Variants in SLCO4A1 observed in about 807,000 individuals in gnomAD.
The protein encoded by SLCO4A1 is colon organic anion transporter.
Under a neutral mutation model 64.6 loss-of-function variants are expected in SLCO4A1, and 51 were observed. The observed-to-expected ratio is 0.79, with a 90% CI of 0.63 to 1.00. The LOEUF (loss-of-function observed/expected upper bound fraction) is 1.00. Among genes scored for constraint, SLCO4A1 ranks in the 50% least tolerant of loss-of-function variants. The pLI, the probability that SLCO4A1 is intolerant of heterozygous loss-of-function variation, is 0.00. For synonymous variants in SLCO4A1, 471 were observed against 444.9 expected, an observed-to-expected ratio of 1.06 and a Z score of -0.74; for missense variants, 919 against 980.5, an observed-to-expected ratio of 0.94 and a Z score of 0.84.
At chr20:62,643,281 T>A in intron 1 of SLCO4A1, 2 of 321,408 alleles carry the variant, frequency 6.2e-6, no homozygotes, top group Non-Finnish European at 1.2e-5. Context: ...TGGGCTCCCC[T>A]GACCAGGGAG....
chr20:62,664,773 A>G (rs988716877), intron 5 of SLCO4A1, among the ~76,000 whole-genome samples, 161 bp from the exon 6 acceptor site: 3 of 152,078 alleles, frequency 2.0e-5, no homozygotes, highest in Non-Finnish European at 2.9e-5. Flanking sequence ...CAGGAACAGC[A>G]GGTTCCTCCC....
chr20:62,658,980 G>A (rs1984275586), intron 3 of SLCO4A1, among the ~76,000 whole-genome samples: 1 of 152,356 alleles, frequency 6.6e-6, no homozygotes, highest in Admixed American at 6.5e-5. Context: ...CAGGAGGCAG[G>A]GCAGGCAGGC....
chr20:62,660,566 T>C (rs769633176), intron 4 of SLCO4A1, 33 bp downstream of exon 4: 5 of 1,600,498 alleles, frequency 3.1e-6, no homozygotes, highest in South Asian at 1.1e-5. Flanking sequence ...AGCCTTCACA[T>C]TGGGAGACTG....
Position 62,661,040 on chromosome 20 carries a change from C to CCCCCCCCCCCCCCCCCACA in SLCO4A1, c.1010-23_1010-22insCCCCCCCCCCCCCCCACAC. 7.9e-6 allele frequency: 11 copies of CCCCCCCCCCCCCCCCCACA among 1,395,914 alleles called. No individual in the cohort carries two copies. Among genetic ancestry groups the CCCCCCCCCCCCCCCCCACA allele is most frequent in the Non-Finnish European group, 1.1e-5 (11 of 984,518 alleles). 86.5% of individuals were successfully genotyped at this position (1,395,914 alleles called of 1,614,324 possible). A position where few individuals can be genotyped will look rare whatever the true frequency, so the allele number is the denominator to read the frequency against. On this transcript the variant is annotated intron_variant, in intron 4 of 11. Transcript: ENST00000217159. The surrounding 1 kb of genome is among the most constrained non-coding windows in gnomAD (Gnocchi z 5.2). ...CTCCGGGAGCCCCCAGCCCCCAGCCCCAGCTCACTCTGTGCCCTTCCAGGC... is the reference window on the plus strand; with the variant it reads ...CTCCGGGAGCCCCCAGCCCCCAGCCCCCCCCCCCCCCCCCCCACACAGCTCACTCTGTGCCCTTCCAGGC...
chr20:62,676,575 T>C (rs774016211), downstream of SLCO4A1, among the ~76,000 whole-genome samples: 11 of 152,182 alleles, frequency 7.2e-5, no homozygotes, highest in Non-Finnish European at 1.3e-4. Flanking sequence ...CTCAGGGAAG[T>C]GCAAACCAAA....
chr20:62,660,891 C>T lies in SLCO4A1; in HGVS notation c.1010-173C>T, dbSNP rs537392571. 7.2e-5 allele frequency among the ~76,000 whole-genome samples: 11 copies of T among 152,214 alleles called. No individual in the cohort carries two copies. In the South Asian group the frequency reaches 1.7e-3, roughly 23 times the overall value. On this transcript the variant is annotated intron_variant, in intron 4 of 11. Coordinates refer to ENST00000217159, the MANE Select transcript of SLCO4A1 (RefSeq NM_016354.4). ...AAACCCGGCTTGTGCTGCATTCTCACGTGGTTTCTGTTCCAGTGCCGCCTC... is the reference window on the plus strand; with the variant it reads ...AAACCCGGCTTGTGCTGCATTCTCATGTGGTTTCTGTTCCAGTGCCGCCTC...
intron 1 of SLCO4A1, among the ~76,000 whole-genome samples, chr20:62,647,776 G>A (rs1981630297): frequency 6.6e-6 from 1 of 152,234 alleles, no homozygotes; most frequent in Non-Finnish European, 1.5e-5. Context: ...ATACAGGCTG[G>A]CACCCCAGTT....
chr20:62,671,645 A>AG, intron 11 of SLCO4A1, 105 bp from the exon 12 acceptor site: 2 of 1,018,230 alleles, frequency 2.0e-6, no homozygotes. Flanking sequence ...GGACCTGGTG[A>AG]GGGTGCTGCA....
At chr20:62,675,460 C>A (rs527458536), downstream of SLCO4A1, among the ~76,000 whole-genome samples, 3 of 152,304 alleles carry the variant, frequency 2.0e-5, no homozygotes, top group African/African-American at 4.8e-5. Flanking sequence ...ATCTAAGCTC[C>A]CCTTGCCTTC....
Position 62,658,734 on chromosome 20 carries a change from C to A in SLCO4A1, c.854C>A (p.Ala285Asp), listed in dbSNP as rs762409219. ...GPAAGYLIGGALLNIYTEMGR... is the reference protein window; with the variant it reads ...GPAAGYLIGGDLLNIYTEMGR... ...GCTGCCGGCTACCTGATTGGAGGTG[C>A]CCTGCTGAATATCTACACGGAAATG... The change falls in exon 3 of 12, where the codon GCC (alanine) becomes GAC (aspartate). Residue 285 changes from alanine (A) to aspartate (D), a missense_variant. Transcript: ENST00000217159. 6.2e-7 allele frequency: 1 copy of A among 1,611,988 alleles called. No homozygotes were observed. The highest frequency in any genetic ancestry group is 1.1e-5 in the South Asian group (1 of 90,730).
At position 62,671,926 on chromosome 20, in the gene SLCO4A1, A is replaced by C; in HGVS notation, c.*33A>C. The C allele has an allele frequency of 6.2e-7, 1 of 1,605,500 alleles. No homozygotes were observed. The highest frequency in any genetic ancestry group is 8.5e-7 in the Non-Finnish European group (1 of 1,179,958). ...CCGCGCCCACCCGGCCACGGCGGGCACTCAGCATTTCCTGATGACAGAACA... is the reference window on the plus strand; with the variant it reads ...CCGCGCCCACCCGGCCACGGCGGGCCCTCAGCATTTCCTGATGACAGAACA... On this transcript the variant is annotated 3_prime_UTR_variant, in exon 12 of 12. Transcript: ENST00000217159.
At position 62,671,803 on chromosome 20, in the gene SLCO4A1, G is replaced by A. The variant is rs35517884; in HGVS notation, c.2079G>A (p.Ser693=). The change falls in exon 12 of 12, where the codon TCG becomes TCA. Residue 693 remains serine, a synonymous_variant. Transcript: ENST00000217159. The part of the protein sequence containing the change: ...AIACFLYKPL[S]ESSDGLETCL... ...CCTGCTTCTTATACAAGCCCCTGTC[G>A]GAGTCTTCAGATGGCCTGGAAACTT... 9.7e-5 allele frequency: 156 copies of A among 1,613,622 alleles called. 2 individuals are homozygous for A. The highest frequency in any genetic ancestry group is 1.1e-4 in the Non-Finnish European group (130 of 1,180,018).
Position 62,647,423 on chromosome 20 carries a change from A to G in SLCO4A1, c.-97+4870A>G, listed in dbSNP as rs146416212. On this transcript the variant is annotated intron_variant, in intron 1 of 11. Transcript: ENST00000217159. Reference sequence around the variant, plus strand: ...AGTGCCTGGGCTGGAATCTGAAGAGAAAGGAGAACTGAGACCCTATGGTCC... The same window carrying G: ...AGTGCCTGGGCTGGAATCTGAAGAGGAAGGAGAACTGAGACCCTATGGTCC... Among the ~76,000 whole-genome samples the G allele has an allele frequency of 8.0e-3, 1,223 of 152,216 alleles. 20 individuals carry two copies. Among genetic ancestry groups the G allele is most frequent in the African/African-American group, 0.028 (1,177 of 41,546 alleles).
intron 4 of SLCO4A1, 133 bp from the exon 5 acceptor site, chr20:62,660,931 G>T: frequency 1.5e-6 from 1 of 652,898 alleles, no homozygotes; most frequent in Admixed American, 2.7e-5. Flanking sequence ...GGGCTGCGAG[G>T]GCTGCAGGGA....
chr20:62,675,164 G>A (rs373015482), downstream of SLCO4A1, among the ~76,000 whole-genome samples: 7 of 152,166 alleles, frequency 4.6e-5, no homozygotes, highest in African/African-American at 1.2e-4. Flanking sequence ...GGAGGCTCCC[G>A]CCCAGGATGG....
At chr20:62,659,980 C>G (rs796529431) in intron 3 of SLCO4A1, among the ~76,000 whole-genome samples, 12 of 152,374 alleles carry the variant, frequency 7.9e-5, no homozygotes, top group Middle Eastern at 3.4e-3. Context: ...ACGTGCACAA[C>G]AGTCCCTTCG....
At chr20:62,686,117 T>C (rs1318663142), downstream of SLCO4A1, among the ~76,000 whole-genome samples, 2 of 152,120 alleles carry the variant, frequency 1.3e-5, no homozygotes. Flanking sequence ...GGCAGGGCAA[T>C]CTCTGTACCT....
intron 1 of SLCO4A1, among the ~76,000 whole-genome samples, chr20:62,654,738 T>C (rs1055632859): frequency 2.0e-5 from 3 of 151,716 alleles, no homozygotes; most frequent in Admixed American, 6.6e-5. Flanking sequence ...TTGAATGTGA[T>C]ACAATGTGGC....
intron 1 of SLCO4A1, among the ~76,000 whole-genome samples, chr20:62,654,003 A>G (rs1983144339): frequency 6.6e-6 from 1 of 152,148 alleles, no homozygotes; most frequent in African/African-American, 2.4e-5. Context: ...ACAAACCTGC[A>G]TGTTGTGCAC....
Sources: allele counts gnomAD v4.1 joint callset (sites outside exome capture counted in the v4.1 genomes callset), GRCh38; gene constraint gnomAD v4.1.1; non-coding constraint Gnocchi (gnomAD v3.1); transcripts MANE v1.5; gene names NCBI Gene and HGNC (gene_info 2026-07-23, HGNC 2026-07-21).